RCAN2: variants seen among roughly 807,000 people sequenced by gnomAD.
RCAN2 encodes the protein calcipressin-2.
RCAN2 carries 9 observed loss-of-function variants against 23.6 expected under a neutral mutation model. That is an observed-to-expected ratio of 0.38 (90% CI 0.23 to 0.67). The LOEUF is 0.67. RCAN2 is among the 30% of genes least tolerant of loss of function. The pLI, the probability that RCAN2 is intolerant of heterozygous loss-of-function variation, is 0.51. For synonymous variants in RCAN2, 109 were observed against 115.7 expected (o/e 0.94, Z 0.37); for missense variants, 273 against 302.3 (o/e 0.90, Z 0.72).
chr6:46,389,511 A>G (rs1765866653), intron 2 of RCAN2, among the ~76,000 whole-genome samples: 1 of 152,218 alleles, frequency 6.6e-6, no homozygotes, highest in Non-Finnish European at 1.5e-5. Context: ...CTGGGGTACC[A>G]GCCTCCGCAC....
chr6:46,292,432 TTTTTTG>T, intron 2 of RCAN2, among the ~76,000 whole-genome samples: 1 of 144,686 alleles, frequency 6.9e-6, no homozygotes, highest in African/African-American at 2.6e-5. Context: ...TGTTGTTTTT[TTTTTTG>T]TTTTTTTTTT....
chr6:46,477,675 A>C (rs1192111151), intron 1 of RCAN2, among the ~76,000 whole-genome samples: 1 of 152,216 alleles, frequency 6.6e-6, no homozygotes, highest in African/African-American at 2.4e-5. Context: ...TCAGAGTTGT[A>C]ACAAAGTATA....
At chr6:46,327,365 G>T (rs911029228) in intron 2 of RCAN2, among the ~76,000 whole-genome samples, 1 of 152,100 alleles carries the variant, frequency 6.6e-6, no homozygotes, top group African/African-American at 2.4e-5. Flanking sequence ...AGAAGTGAGG[G>T]GTGCCCTTCA....
At chr6:46,483,467 A>G (rs549450663) in intron 1 of RCAN2, among the ~76,000 whole-genome samples, 1 of 152,308 alleles carries the variant, frequency 6.6e-6, no homozygotes, top group South Asian at 2.1e-4. Flanking sequence ...ATATCTCAGG[A>G]GGCTGAAACC....
intron 2 of RCAN2, among the ~76,000 whole-genome samples, chr6:46,395,822 T>A (rs1292404333): frequency 6.6e-6 from 1 of 152,094 alleles, no homozygotes; most frequent in Non-Finnish European, 1.5e-5. Flanking sequence ...AATACCAACA[T>A]ATGAGACCTG....
At chr6:46,255,998 A>T (rs762727047) in intron 2 of RCAN2, among the ~76,000 whole-genome samples, 4 of 152,148 alleles carry the variant, frequency 2.6e-5, no homozygotes, top group Non-Finnish European at 5.9e-5. Context: ...GAGGATATGG[A>T]GTGATTATTG....
At chr6:46,441,633 C>T (rs950406170) in intron 2 of RCAN2, among the ~76,000 whole-genome samples, 1 of 152,148 alleles carries the variant, frequency 6.6e-6, no homozygotes, top group Non-Finnish European at 1.5e-5. Context: ...TGTACCTGAT[C>T]AGCAAGTCTC....
rs534908603 is a variant in RCAN2, at chr6:46,462,916, T to A, written c.-2-5938A>T. 8.5e-5 allele frequency among the ~76,000 whole-genome samples: 13 copies of A among 152,310 alleles called. No homozygotes were observed. The East Asian group carries it at 2.5e-3, about 29-fold the overall frequency. ...GAGCAGGGAGCCATGCATTTGCCCA[T>A]AGGAATTCTGGTCTAGAAAGCCTTT... On this transcript the variant is annotated intron_variant, in intron 1 of 4. Coordinates refer to ENST00000371374, the MANE Select transcript of RCAN2 (RefSeq NM_001251974.2).
intron 2 of RCAN2, among the ~76,000 whole-genome samples, chr6:46,347,166 C>T (rs189027776): frequency 6.3e-4 from 96 of 152,296 alleles, no homozygotes; most frequent in African/African-American, 2.2e-3. Context: ...TGATCCACCG[C>T]GCCTGGCCAA....
intron 2 of RCAN2, among the ~76,000 whole-genome samples, chr6:46,283,654 T>C (rs796581757): frequency 4.6e-5 from 7 of 152,332 alleles, no homozygotes; most frequent in African/African-American, 1.7e-4. Context: ...CAGGACTGCC[T>C]TGATGGTGGG....
At chr6:46,320,168 G>A (rs924599069) in intron 2 of RCAN2, among the ~76,000 whole-genome samples, 2 of 152,202 alleles carry the variant, frequency 1.3e-5, no homozygotes, top group African/African-American at 4.8e-5. Flanking sequence ...CAGAGCCATA[G>A]GTCATGATTG....
intron 2 of RCAN2, among the ~76,000 whole-genome samples, chr6:46,432,755 G>A (rs1440162685): frequency 6.6e-6 from 1 of 152,062 alleles, no homozygotes; most frequent in East Asian, 1.9e-4. Context: ...TTAGCTGAGG[G>A]AGGCAGCTTA....
At chr6:46,450,242 C>T (rs962436005) in intron 2 of RCAN2, among the ~76,000 whole-genome samples, 5 of 151,966 alleles carry the variant, frequency 3.3e-5, no homozygotes, top group East Asian at 1.9e-4. Flanking sequence ...CAAATTATAC[C>T]GCAATGAAAT....
intron 3 of RCAN2, 30 bp from the exon 4 acceptor site, chr6:46,246,949 T>C: frequency 6.8e-7 from 1 of 1,476,262 alleles, no homozygotes; most frequent in Non-Finnish European, 9.0e-7. Context: ...TGAAGAAACT[T>C]ATTCATCATG....
At chr6:46,256,547 G>C (rs1012974613) in intron 2 of RCAN2, among the ~76,000 whole-genome samples, 10 of 152,112 alleles carry the variant, frequency 6.6e-5, no homozygotes, top group African/African-American at 1.2e-4. Flanking sequence ...GGATGTTAAG[G>C]CTTCTACTTC....
At chr6:46,232,790 CAAAAAAAAAAA>C (rs35457944) in intron 4 of RCAN2, among the ~76,000 whole-genome samples, 1 of 89,210 alleles carries the variant, frequency 1.1e-5, no homozygotes, top group African/African-American at 4.6e-5. Context: ...AAGACTGTCT[CAAAAAAAAAAA>C]AAAAAAAAAA....
intron 2 of RCAN2, among the ~76,000 whole-genome samples, chr6:46,452,625 C>T (rs930206921): frequency 6.6e-6 from 1 of 152,106 alleles, no homozygotes; most frequent in Admixed American, 6.6e-5. Flanking sequence ...CCAGTAGGGT[C>T]CAGGGAATAC....
chr6:46,338,866 A>G (rs2150371278), intron 2 of RCAN2, among the ~76,000 whole-genome samples: 1 of 151,964 alleles, frequency 6.6e-6, no homozygotes, highest in African/African-American at 2.4e-5. Context: ...TACAAAAAAA[A>G]TAGCCGGGTA....
At chr6:46,320,335 A>G (rs1399678955) in intron 2 of RCAN2, among the ~76,000 whole-genome samples, 1 of 152,146 alleles carries the variant, frequency 6.6e-6, no homozygotes, top group Non-Finnish European at 1.5e-5. Flanking sequence ...TTTCTCCTCA[A>G]AGCAGAGTAC....
Sources: gnomAD v4.1 joint callset for allele counts (sites outside exome capture counted in the v4.1 genomes callset) on GRCh38, gnomAD v4.1.1 for gene constraint, MANE v1.5 for transcripts, NCBI Gene and HGNC (gene_info 2026-07-23, HGNC 2026-07-21) for gene names.